Variants in POLA2 observed in about 807,000 individuals in gnomAD.
POLA2 encodes DNA polymerase alpha subunit B.
Under a neutral mutation model 82.8 loss-of-function variants are expected in POLA2, and 47 were observed. The ratio of observed to expected loss-of-function variants is 0.57; its 90% CI spans 0.45 to 0.72. The LOEUF is 0.72. Ranked by LOEUF, POLA2 falls within the 30% of genes least tolerant of loss-of-function variation. The pLI is 0.00. For synonymous variants in POLA2, 287 were observed against 286.8 expected (o/e 1.00, Z -0.01); for missense variants, 634 against 728.1 (o/e 0.87, Z 1.49).
downstream of POLA2, among the ~76,000 whole-genome samples, chr11:65,305,812 G>A (rs573610754): frequency 6.6e-4 from 100 of 152,248 alleles, no homozygotes; most frequent in African/African-American, 1.0e-3. Flanking sequence ...GACTCACTGC[G>A]GCACGGCCTG....
chr11:65,285,587 A>G (rs577019524), intron 10 of POLA2, among the ~76,000 whole-genome samples: 15 of 151,808 alleles, frequency 9.9e-5, no homozygotes, highest in African/African-American at 3.4e-4. Context: ...AAAAAAAAAA[A>G]AAAGAAAAAG....
Position 65,267,485 on chromosome 11 carries a change from C to G in POLA2, c.213C>G (p.Ser71Arg), listed in dbSNP as rs1199704582. The change falls in exon 3 of 18, where the codon AGC (serine) becomes AGG (arginine). Residue 71 changes from serine (S) to arginine (R), a missense_variant. Coordinates refer to ENST00000265465, the MANE Select transcript of POLA2 (RefSeq NM_002689.4). The part of the protein sequence containing the change: ...ILNSFEHEFL[S>R]KRLSKARHST... ...TATCTTTTCTTTTTCAGTTTCTGAGCAAAAGATTATCGAAAGCCAGGCATA... is the reference window on the plus strand; with the variant it reads ...TATCTTTTCTTTTTCAGTTTCTGAGGAAAAGATTATCGAAAGCCAGGCATA... The G allele has an allele frequency of 5.0e-6, 8 of 1,606,352 alleles. No homozygotes were observed. Among genetic ancestry groups the G allele is most frequent in the Non-Finnish European group, 6.8e-6 (8 of 1,175,336 alleles).
At chr11:65,280,948 G>C in intron 7 of POLA2, 44 bp from the exon 8 acceptor site, 1 of 1,594,850 alleles carries the variant, frequency 6.3e-7, no homozygotes, top group Non-Finnish European at 8.6e-7. Flanking sequence ...TTGAGCTCCT[G>C]CTCCAAAGAC....
chr11:65,273,342 AC>A (rs1483725118), intron 4 of POLA2, among the ~76,000 whole-genome samples: 2 of 152,278 alleles, frequency 1.3e-5, no homozygotes, highest in South Asian at 2.1e-4. Flanking sequence ...CAACAAAAAA[AC>A]ATGATGAAAT....
At chr11:65,279,785 T>A in intron 7 of POLA2, 159 bp downstream of exon 7, 1 of 567,688 alleles carries the variant, frequency 1.8e-6, no homozygotes. Context: ...TGAAGAAAGA[T>A]TTGTAAGTGC....
At position 65,279,605 on chromosome 11, in the gene POLA2, T is replaced by A. The variant is rs142911171; in HGVS notation, c.723T>A (p.Thr241=). 1.9e-5 allele frequency: 31 copies of A among 1,612,992 alleles called. No individual in the cohort carries two copies. The highest frequency in any genetic ancestry group is 2.6e-5 in the Non-Finnish European group (31 of 1,179,114). Residue 241 remains threonine (T), a synonymous_variant, in exon 7 of 18, where the codon ACT becomes ACA. Transcript: ENST00000265465. ...LKEHYKIEAF[T]PLLAPAQEPV... ...AACATTACAAGATTGAAGCTTTCAC[T>A]CCTTTGCTAGCCCCAGCACAGGTAA...
chr11:65,262,347 T>G lies in POLA2; in HGVS notation c.55T>G (p.Cys19Gly). ...GGAGCTGCAGATCTTCGGCCTAGAC[T>G]GCGAGGAGGCTCTAATTGAGAAATG... ...AEELQIFGLD[C>G]EEALIEKLVE... The change falls in exon 1 of 18, where the codon TGC (cysteine) becomes GGC (glycine). Residue 19 changes from cysteine (C) to glycine (G), a missense_variant. Transcript: ENST00000265465. 1 of 1,613,834 alleles carries G rather than the reference T, an allele frequency of 6.2e-7. No individual in the cohort carries two copies.
chr11:65,288,512 G>GTTTTTTTTTTTTTTTT (rs572913995), intron 11 of POLA2, among the ~76,000 whole-genome samples: 3 of 119,954 alleles, frequency 2.5e-5, no homozygotes, highest in East Asian at 2.4e-4. Context: ...TTTGTTTTTT[G>GTTTTTTTTTTTTTTTT]TTTTTTTTTT....
intron 13 of POLA2, among the ~76,000 whole-genome samples, chr11:65,290,873 A>G (rs1949747675): frequency 6.6e-6 from 1 of 152,208 alleles, no homozygotes; most frequent in Non-Finnish European, 1.5e-5. Context: ...GTTCCTCCCA[A>G]GTCAGTGCTT....
In POLA2 at chr11:65,294,146, A is replaced by T; in HGVS notation, c.1245-7A>T. On this transcript the variant is annotated splice_region_variant and splice_polypyrimidine_tract_variant and intron_variant, in intron 13 of 17. Transcript: ENST00000265465. ...TCACTCTTCTGTTTGTTCTTTTGCC[A>T]TACTAGCTCCGGCTCCCACCTTGTC... is the stretch of plus-strand genomic sequence containing the variant. 1 of 1,612,280 alleles carries T rather than the reference A, an allele frequency of 6.2e-7. No homozygotes were observed. Among genetic ancestry groups the T allele is most frequent in the Non-Finnish European group, 8.5e-7 (1 of 1,178,382 alleles).
intron 2 of POLA2, among the ~76,000 whole-genome samples, chr11:65,267,051 C>CAA (rs1157223763): frequency 2.4e-4 from 37 of 152,206 alleles, no homozygotes; most frequent in Middle Eastern, 3.4e-3. Context: ...ACTAAAAATA[C>CAA]AAAAATTAGT....
intron 1 of POLA2, among the ~76,000 whole-genome samples, chr11:65,263,733 G>A (rs1198246412): frequency 2.6e-5 from 4 of 151,790 alleles, no homozygotes; most frequent in Non-Finnish European, 4.4e-5. Context: ...AGGCTGAGGC[G>A]GAAGAATCGC....
At chr11:65,305,502 C>A in exon 9 of POLA2, 1 of 418,440 alleles carries the variant, frequency 2.4e-6, no homozygotes, top group Non-Finnish European at 4.7e-6. Context: ...GACAAGCTGA[C>A]AGAGCTGACA....
intron 10 of POLA2, among the ~76,000 whole-genome samples, chr11:65,286,578 CA>C (rs1949699410): frequency 6.6e-6 from 1 of 151,956 alleles, no homozygotes; most frequent in Admixed American, 6.6e-5. Flanking sequence ...TTTGTAGAAA[CA>C]GGGTTTCATT....
In POLA2 at chr11:65,298,209, A is replaced by T. The variant is rs1949834546; in HGVS notation, c.*940A>T. ...CCTGGGCCTCCCTGCGCAGTTCCTC[A>T]CATGCATGCTGTGGTCCCAGCCTGA... On this transcript the variant is annotated 3_prime_UTR_variant, in exon 18 of 18. Transcript: ENST00000265465. 1.3e-5 allele frequency: 2 copies of T among 152,386 alleles called. No individual in the cohort carries two copies. Among genetic ancestry groups the T allele is most frequent in the Admixed American group, 1.3e-4 (2 of 15,298 alleles). The allele number at this position is 152,386 out of a possible 1,614,324, so 9.4% of individuals were successfully genotyped here. A position where few individuals can be genotyped will look rare whatever the true frequency, so the allele number is the denominator to read the frequency against.
downstream of POLA2, chr11:65,298,699 T>C (rs1949839567): frequency 6.6e-6 from 1 of 152,260 alleles, no homozygotes; most frequent in Non-Finnish European, 1.5e-5. Flanking sequence ...GCAGCTGTTT[T>C]ATTTCATTAG....
At chr11:65,274,419 G>A (rs1487722398) in intron 4 of POLA2, among the ~76,000 whole-genome samples, 1 of 146,220 alleles carries the variant, frequency 6.8e-6, no homozygotes, top group Middle Eastern at 4.0e-3. Flanking sequence ...GTAGCTCATG[G>A]GTGTAATTCC....
intron 10 of POLA2, 71 bp from the exon 11 acceptor site, chr11:65,287,645 C>T (rs2137564821): frequency 7.3e-7 from 1 of 1,374,660 alleles, no homozygotes; most frequent in Non-Finnish European, 1.0e-6. Flanking sequence ...CATTTCCCAT[C>T]ATTGTCCTTT....
At chr11:65,303,500 C>T (rs559490526), downstream of POLA2, among the ~76,000 whole-genome samples, 9 of 151,882 alleles carry the variant, frequency 5.9e-5, no homozygotes, top group South Asian at 8.3e-4. Flanking sequence ...CCAGCCTGGG[C>T]GATAGAGCAA....
Sources: gnomAD v4.1 joint callset for allele counts (sites outside exome capture counted in the v4.1 genomes callset) on GRCh38, gnomAD v4.1.1 for gene constraint, MANE v1.5 for transcripts, NCBI Gene and HGNC (gene_info 2026-07-23, HGNC 2026-07-21) for gene names.